SCHIP1: variants seen among roughly 807,000 people sequenced by gnomAD.
SCHIP1 encodes schwannomin interacting protein 1, also known as schwannomin-interacting protein 1.
A neutral mutation model predicts 29.7 loss-of-function variants in SCHIP1; 8 were observed. The ratio of observed to expected loss-of-function variants is 0.27; its 90% confidence interval spans 0.16 to 0.49. The LOEUF (loss-of-function observed/expected upper bound fraction) is 0.49, where lower values mean the gene tolerates loss of function less well. Among genes scored for constraint, SCHIP1 ranks in the 20% least tolerant of loss-of-function variants. The pLI is 0.99. For missense variants in SCHIP1, 193 were observed against 294.6 expected (o/e 0.66, Z 2.52); for synonymous variants, 76 against 94.9 (o/e 0.80, Z 1.16).
chr3:159,821,373 G>A, the SCHIP1 span, among the ~76,000 whole-genome samples: 2 of 152,290 alleles, frequency 1.3e-5, no homozygotes, highest in South Asian at 2.1e-4. Flanking sequence ...TGCCGAGGGC[G>A]CTCTTGAGGT....
the SCHIP1 span, among the ~76,000 whole-genome samples, chr3:159,634,801 T>A: frequency 6.6e-5 from 10 of 152,106 alleles, no homozygotes; most frequent in African/African-American, 2.4e-4. Flanking sequence ...TCAGAAGTTT[T>A]CCCCCCCTTT....
At chr3:159,490,431 A>G in the SCHIP1 span, among the ~76,000 whole-genome samples, 1 of 152,208 alleles carries the variant, frequency 6.6e-6, no homozygotes, top group Admixed American at 6.5e-5. Context: ...ATGTACAAAG[A>G]AGAAAGGATA....
At chr3:159,355,249 A>G in the SCHIP1 span, among the ~76,000 whole-genome samples, 8 of 152,250 alleles carry the variant, frequency 5.3e-5, no homozygotes, top group South Asian at 6.2e-4. Flanking sequence ...AATATACCAA[A>G]AAAGAGTTTA....
At chr3:159,886,073 A>T in intron 2 of SCHIP1, 134 bp from the exon 4 acceptor site, 3 of 789,686 alleles carry the variant, frequency 3.8e-6, no homozygotes, top group Non-Finnish European at 6.2e-6. Flanking sequence ...TGTGGAGAGT[A>T]ATATTGGTTG....
chr3:159,544,194 T>C, the SCHIP1 span, among the ~76,000 whole-genome samples: 1 of 152,062 alleles, frequency 6.6e-6, no homozygotes, highest in Non-Finnish European at 1.5e-5. Context: ...AATACGTGTG[T>C]ATGTGTATAT....
At chr3:159,750,770 A>G in the SCHIP1 span, among the ~76,000 whole-genome samples, 2 of 152,156 alleles carry the variant, frequency 1.3e-5, no homozygotes, top group Non-Finnish European at 2.9e-5. Flanking sequence ...GGAGGGAGAC[A>G]AGGATGGCTC....
At chr3:159,529,879 G>A in the SCHIP1 span, among the ~76,000 whole-genome samples, 4 of 152,072 alleles carry the variant, frequency 2.6e-5, no homozygotes, top group Non-Finnish European at 5.9e-5. Flanking sequence ...TGCCTGACTT[G>A]TTTCACTTAA....
the SCHIP1 span, among the ~76,000 whole-genome samples, chr3:159,454,378 G>C: frequency 6.6e-6 from 1 of 152,272 alleles, no homozygotes; most frequent in African/African-American, 2.4e-5. Context: ...CCTGCATTGG[G>C]TGTGGTGGCC....
the SCHIP1 span, among the ~76,000 whole-genome samples, chr3:159,732,280 G>A: frequency 6.6e-6 from 1 of 152,226 alleles, no homozygotes; most frequent in South Asian, 2.1e-4. Flanking sequence ...AGGTTCCAAA[G>A]CAGTCAAGTG....
the SCHIP1 span, among the ~76,000 whole-genome samples, chr3:159,407,265 A>T: frequency 6.6e-6 from 1 of 152,240 alleles, no homozygotes; most frequent in Non-Finnish European, 1.5e-5. Flanking sequence ...ATGGATTTTG[A>T]GACAAAGCCT....
chr3:159,767,944 G>A, the SCHIP1 span, among the ~76,000 whole-genome samples: 1 of 152,128 alleles, frequency 6.6e-6, no homozygotes, highest in South Asian at 2.1e-4. Context: ...CCTGGAACAT[G>A]CCTGGGATGG....
At chr3:159,276,602 TAAC>T in the SCHIP1 span, among the ~76,000 whole-genome samples, 3 of 152,252 alleles carry the variant, frequency 2.0e-5, no homozygotes, top group Non-Finnish European at 2.9e-5. Context: ...ATGATGGACC[TAAC>T]TAGGTATGAC....
chr3:159,573,022 G>T, the SCHIP1 span, among the ~76,000 whole-genome samples: 1 of 151,498 alleles, frequency 6.6e-6, no homozygotes, highest in Admixed American at 6.6e-5. Flanking sequence ...ATGTGAGATG[G>T]GTCTCCTGCA....
At chr3:159,798,642 C>G in the SCHIP1 span, among the ~76,000 whole-genome samples, 4 of 152,058 alleles carry the variant, frequency 2.6e-5, no homozygotes, top group African/African-American at 9.7e-5. Flanking sequence ...CCTGTAATCC[C>G]AGCTACTCGG....
the SCHIP1 span, among the ~76,000 whole-genome samples, chr3:159,485,982 C>T: frequency 3.3e-5 from 5 of 152,144 alleles, no homozygotes; most frequent in Admixed American, 1.3e-4. Flanking sequence ...GTATGTACCA[C>T]AAACTTTGGA....
At chr3:159,572,611 G>A in the SCHIP1 span, among the ~76,000 whole-genome samples, 1 of 152,136 alleles carries the variant, frequency 6.6e-6, no homozygotes, top group East Asian at 1.9e-4. Flanking sequence ...GGGATGGAGA[G>A]TTCTGTAGGT....
chr3:159,438,897 G>A, the SCHIP1 span, among the ~76,000 whole-genome samples: 5 of 152,212 alleles, frequency 3.3e-5, no homozygotes, highest in East Asian at 9.7e-4. Context: ...TCACTGATGG[G>A]CATTTATGTT....
At chr3:159,344,326 A>AG in the SCHIP1 span, among the ~76,000 whole-genome samples, 42 of 151,744 alleles carry the variant, frequency 2.8e-4, no homozygotes, top group Non-Finnish European at 4.9e-4. Context: ...CATCTCAAAA[A>AG]AAAAAAAAAA....
the SCHIP1 span, among the ~76,000 whole-genome samples, chr3:159,790,798 A>AT: frequency 6.6e-5 from 10 of 152,072 alleles, 1 homozygote; most frequent in African/African-American, 1.9e-4. Context: ...ACTTAGAAGC[A>AT]TTTTTTTCCC....
Sources: gnomAD v4.1 joint callset for allele counts (sites outside exome capture counted in the v4.1 genomes callset) on GRCh38, gnomAD v4.1.1 for gene constraint, MANE v1.5 for transcripts, NCBI Gene and HGNC (gene_info 2026-07-23, HGNC 2026-07-21) for gene names.